Variants in EIF4E3 observed in about 807,000 individuals in gnomAD.
The protein encoded by EIF4E3 is eukaryotic translation initiation factor 4E family member 3, also known as eukaryotic translation initiation factor 4E type 3.
In EIF4E3, 26 loss-of-function variants were observed where a neutral mutation model predicts 31.7. That is an observed-to-expected ratio of 0.82 (90% CI 0.60 to 1.14). The LOEUF (loss-of-function observed/expected upper bound fraction) is 1.14. EIF4E3 is among the 50% of genes most tolerant of loss of function. EIF4E3 has a pLI of 0.00. For synonymous variants in EIF4E3, 128 were observed against 107.7 expected (o/e 1.19, Z -1.17); for missense variants, 304 against 270.9 (o/e 1.12, Z -0.86).
At chr3:71,751,269 C>T (rs2049926581) in intron 1 of EIF4E3, among the ~76,000 whole-genome samples, 1 of 152,058 alleles carries the variant, frequency 6.6e-6, no homozygotes, top group Non-Finnish European at 1.5e-5. Flanking sequence ...CTTACACTTA[C>T]TTGAAAGTAA....
chr3:71,711,442 T>C (rs2049377565), intron 1 of EIF4E3, among the ~76,000 whole-genome samples: 1 of 152,192 alleles, frequency 6.6e-6, no homozygotes, highest in Non-Finnish European at 1.5e-5. Context: ...ATCTGGAATC[T>C]ATAAAAGCAA....
chr3:71,674,043 C>T (rs1030175746), downstream of EIF4E3, among the ~76,000 whole-genome samples: 1 of 131,608 alleles, frequency 7.6e-6, no homozygotes, highest in Non-Finnish European at 1.6e-5. Context: ...GAGACTTATG[C>T]TTCAGTGAGA....
rs773332075 is a variant in EIF4E3, at chr3:71,690,015, T to C, written c.623A>G (p.Tyr208Cys). 1 of 1,609,436 alleles carries C rather than the reference T, an allele frequency of 6.2e-7. No homozygotes were observed. Among genetic ancestry groups the C allele is most frequent in the Non-Finnish European group, 8.5e-7 (1 of 1,177,972 alleles). ...LPHITFKAVF[Y>C]KPHEEHHAFE... ...ACTGGAAATGAAGCACTTACGTTTATAAAATACTGCTTTAAAAGTTATGTG... is the reference window on the plus strand; with the variant it reads ...ACTGGAAATGAAGCACTTACGTTTACAAAATACTGCTTTAAAAGTTATGTG... Residue 208 changes from tyrosine to cysteine, a missense_variant, in exon 6 of 7, where the codon TAT becomes TGT. Physicochemically the swap from Tyr to Cys is radical, Grantham distance 194. Coordinates refer to ENST00000425534, the MANE Select transcript of EIF4E3 (RefSeq NM_001134651.2).
intron 1 of EIF4E3, among the ~76,000 whole-genome samples, chr3:71,746,086 T>C (rs2049869639): frequency 6.6e-6 from 1 of 152,232 alleles, no homozygotes; most frequent in Admixed American, 6.5e-5. Context: ...CCAATAGATT[T>C]TCTTTCAATT....
At chr3:71,741,084 G>T (rs1231002441) in intron 1 of EIF4E3, among the ~76,000 whole-genome samples, 1 of 152,086 alleles carries the variant, frequency 6.6e-6, no homozygotes, top group Non-Finnish European at 1.5e-5. Flanking sequence ...TGCAGTGGAT[G>T]TGACTGCACC....
At chr3:71,721,895 G>A (rs972296591) in intron 1 of EIF4E3, among the ~76,000 whole-genome samples, 2 of 152,140 alleles carry the variant, frequency 1.3e-5, no homozygotes, top group Admixed American at 6.5e-5. Flanking sequence ...AAGCACTGAT[G>A]GAGGTGAGAG....
chr3:71,735,701 G>A (rs568113924), intron 1 of EIF4E3, among the ~76,000 whole-genome samples: 1 of 152,096 alleles, frequency 6.6e-6, no homozygotes, highest in East Asian at 1.9e-4. Flanking sequence ...GGCCCATGAA[G>A]TCACAGCTCT....
At chr3:71,709,192 G>A (rs905599530) in intron 2 of EIF4E3, among the ~76,000 whole-genome samples, 3 of 152,092 alleles carry the variant, frequency 2.0e-5, no homozygotes, top group Non-Finnish European at 4.4e-5. Context: ...AAAAGATTTA[G>A]GGATACAACA....
At chr3:71,686,227 C>T (rs896360834) in intron 6 of EIF4E3, among the ~76,000 whole-genome samples, 1 of 151,962 alleles carries the variant, frequency 6.6e-6, no homozygotes, top group Non-Finnish European at 1.5e-5. Context: ...TGAGCTCAAG[C>T]GATCCACCGG....
chr3:71,738,958 A>C (rs1578387454), intron 1 of EIF4E3, among the ~76,000 whole-genome samples: 1 of 139,692 alleles, frequency 7.2e-6, no homozygotes, highest in South Asian at 2.3e-4. Context: ...GAAAATTTCC[A>C]AATGCCTGAA....
At chr3:71,745,314 A>G (rs527695853) in intron 1 of EIF4E3, among the ~76,000 whole-genome samples, 53 of 152,320 alleles carry the variant, frequency 3.5e-4, no homozygotes, top group African/African-American at 1.2e-3. Context: ...AAAAGAGCCA[A>G]ACTTTCATAT....
At chr3:71,712,810 T>A (rs1166467261) in intron 1 of EIF4E3, among the ~76,000 whole-genome samples, 2 of 150,130 alleles carry the variant, frequency 1.3e-5, no homozygotes, top group African/African-American at 4.9e-5. Flanking sequence ...TATGTCAATT[T>A]TAAGCAAACA....
intron 1 of EIF4E3, among the ~76,000 whole-genome samples, chr3:71,733,497 C>T (rs2049728559): frequency 6.6e-6 from 1 of 152,096 alleles, no homozygotes; most frequent in Admixed American, 6.5e-5. Flanking sequence ...ATATTTATGA[C>T]ATAAGAAATC....
upstream of EIF4E3, chr3:71,754,613 G>C: frequency 6.9e-7 from 1 of 1,453,222 alleles, no homozygotes; most frequent in Non-Finnish European, 9.0e-7. The surrounding 1 kb of genome is among the most constrained non-coding windows in gnomAD (Gnocchi z 5.8). Context: ...GCTTCCTGCT[G>C]CTGCTGGCCG....
At chr3:71,754,599 C>T, upstream of EIF4E3, 2 of 1,436,038 alleles carry the variant, frequency 1.4e-6, no homozygotes, top group Non-Finnish European at 1.8e-6. The surrounding 1 kb of genome is among the most constrained non-coding windows in gnomAD (Gnocchi z 5.8). Context: ...CCCCGGCGCG[C>T]TGGGCTTCCT....
chr3:71,731,752 T>A (rs1336334022), intron 1 of EIF4E3, among the ~76,000 whole-genome samples: 1 of 152,212 alleles, frequency 6.6e-6, no homozygotes, highest in African/African-American at 2.4e-5. Flanking sequence ...AGCACTTTTG[T>A]CCTATTACTT....
rs1316351620 is a variant in EIF4E3 at position 71,677,947 on chromosome 3, A to G, written c.*6735T>C. ...GTAAAGAAAAAGAATTAAAATAAGC[A>G]AGATACGTTTTCTAAGAGACCCAGA... On this transcript the variant is annotated 3_prime_UTR_variant, in exon 7 of 7. Transcript: ENST00000425534. 1 of 152,188 alleles carries G rather than the reference A, an allele frequency of 6.6e-6. No individual in the cohort carries two copies. The highest frequency in any genetic ancestry group is 1.5e-5 in the Non-Finnish European group (1 of 68,022). The allele number at this position is 152,188 out of a possible 1,614,324, so 9.4% of individuals were successfully genotyped here.
chr3:71,752,860 G>C (rs1284923322), intron 1 of EIF4E3, among the ~76,000 whole-genome samples: 2 of 152,252 alleles, frequency 1.3e-5, no homozygotes, highest in Non-Finnish European at 2.9e-5. Flanking sequence ...GCACATGCAA[G>C]GTCCTGCGAG....
At chr3:71,744,895 G>C (rs1437372070) in intron 1 of EIF4E3, among the ~76,000 whole-genome samples, 4 of 152,300 alleles carry the variant, frequency 2.6e-5, no homozygotes, top group Non-Finnish European at 5.9e-5. Context: ...GGAGAGAAGA[G>C]AACAGCATGC....
Sources: allele counts gnomAD v4.1 joint callset (sites outside exome capture counted in the v4.1 genomes callset), GRCh38; gene constraint gnomAD v4.1.1; non-coding constraint Gnocchi (gnomAD v3.1); transcripts MANE v1.5; gene names NCBI Gene and HGNC (gene_info 2026-07-23, HGNC 2026-07-21).